ATOSA: variants seen among roughly 807,000 people sequenced by gnomAD.
ATOSA encodes the protein atos homolog A, also known as atos homolog protein A.
the ATOSA span, among the ~76,000 whole-genome samples, chr15:52,699,300 A>G: frequency 6.6e-6 from 1 of 152,110 alleles, no homozygotes; most frequent in Admixed American, 6.5e-5. Flanking sequence ...TGTTTCAGTC[A>G]GGCAGGAGAT....
At chr15:52,613,572 A>G in the ATOSA span, 1 of 1,287,656 alleles carries the variant, frequency 7.8e-7, no homozygotes, top group Non-Finnish European at 1.1e-6. Context: ...GATCAATTTT[A>G]CATTGAAATA....
chr15:52,605,487 C>G, the ATOSA span, among the ~76,000 whole-genome samples: 2 of 151,916 alleles, frequency 1.3e-5, no homozygotes, highest in African/African-American at 2.4e-5. Flanking sequence ...GTTAATCACC[C>G]CAAATGCAAA....
chr15:52,644,501 G>A, the ATOSA span, among the ~76,000 whole-genome samples: 1 of 152,062 alleles, frequency 6.6e-6, no homozygotes, highest in South Asian at 2.1e-4. Flanking sequence ...TGAGAATTAA[G>A]ACCAACTACT....
At chr15:52,587,812 C>T in the ATOSA span, among the ~76,000 whole-genome samples, 8 of 152,290 alleles carry the variant, frequency 5.3e-5, no homozygotes, top group African/African-American at 1.7e-4. Flanking sequence ...AACTTTAAGG[C>T]TGTGGAATGT....
At chr15:52,603,951 T>C in the ATOSA span, among the ~76,000 whole-genome samples, 2 of 152,134 alleles carry the variant, frequency 1.3e-5, no homozygotes, top group Non-Finnish European at 2.9e-5. Flanking sequence ...AACAATAATT[T>C]ATCGTATATT....
At chr15:52,709,420 C>T in the ATOSA span, among the ~76,000 whole-genome samples, 1 of 152,112 alleles carries the variant, frequency 6.6e-6, no homozygotes, top group African/African-American at 2.4e-5. Context: ...CTGAACTTTA[C>T]CCCAAAGCTC....
the ATOSA span, chr15:52,587,089 G>T: frequency 6.2e-7 from 1 of 1,602,666 alleles, no homozygotes; most frequent in Non-Finnish European, 8.5e-7. Flanking sequence ...CAGGAGAAAG[G>T]GCTAAGTTCT....
At chr15:52,687,353 C>G in the ATOSA span, among the ~76,000 whole-genome samples, 37 of 152,172 alleles carry the variant, frequency 2.4e-4, no homozygotes, top group Admixed American at 6.5e-4. Context: ...TGCAGCGAGC[C>G]GAGATCCAGC....
chr15:52,611,110 T>G, the ATOSA span: 3 of 1,591,590 alleles, frequency 1.9e-6, no homozygotes, highest in South Asian at 3.5e-5. Flanking sequence ...ACTGTCCTTT[T>G]TTTTTGGCCC....
chr15:52,665,395 T>C, the ATOSA span, among the ~76,000 whole-genome samples: 1 of 152,212 alleles, frequency 6.6e-6, no homozygotes, highest in Non-Finnish European at 1.5e-5. Flanking sequence ...CAGATAGTAA[T>C]TAGTCATTTT....
At chr15:52,609,966 A>G in the ATOSA span, 1 of 1,613,200 alleles carries the variant, frequency 6.2e-7, no homozygotes, top group Non-Finnish European at 8.5e-7. Flanking sequence ...AGCCTAGAAT[A>G]TTGGCTTGAG....
At chr15:52,613,321 G>A in the ATOSA span, among the ~76,000 whole-genome samples, 154 of 152,314 alleles carry the variant, frequency 1.0e-3, 1 homozygote, top group Middle Eastern at 6.8e-3. Context: ...AGCCAAGATC[G>A]CGCCACTGCA....
At chr15:52,582,049 G>GA in the ATOSA span, 1 of 913,036 alleles carries the variant, frequency 1.1e-6, no homozygotes, top group Non-Finnish European at 1.6e-6. Context: ...AGGATAACAG[G>GA]AGAGAATCCA....
chr15:52,599,635 T>C, the ATOSA span, among the ~76,000 whole-genome samples: 3 of 152,310 alleles, frequency 2.0e-5, no homozygotes, highest in Admixed American at 6.5e-5. Flanking sequence ...AGTAGAAATA[T>C]TGTGAGTAAA....
At chr15:52,610,454 T>C in the ATOSA span, 2 of 1,460,326 alleles carry the variant, frequency 1.4e-6, no homozygotes, top group East Asian at 2.3e-5. Flanking sequence ...TATATTATTT[T>C]AAATGTAAAG....
At chr15:52,637,930 T>C in the ATOSA span, among the ~76,000 whole-genome samples, 18 of 152,326 alleles carry the variant, frequency 1.2e-4, no homozygotes, top group Admixed American at 1.1e-3. Context: ...ATCACTGTAA[T>C]ATAATGTTAC....
At chr15:52,620,981 T>G in the ATOSA span, among the ~76,000 whole-genome samples, 1 of 152,292 alleles carries the variant, frequency 6.6e-6, no homozygotes, top group East Asian at 1.9e-4. Context: ...TACTTCATGA[T>G]GCGCAATCGA....
At chr15:52,647,635 C>T in the ATOSA span, among the ~76,000 whole-genome samples, 2 of 152,248 alleles carry the variant, frequency 1.3e-5, no homozygotes, top group East Asian at 3.9e-4. Context: ...AAGTTACTTC[C>T]CAGTAAATAA....
the ATOSA span, among the ~76,000 whole-genome samples, chr15:52,667,166 A>C: frequency 6.6e-6 from 1 of 152,224 alleles, no homozygotes; most frequent in Non-Finnish European, 1.5e-5. Context: ...AATGGAATAA[A>C]ATCTGGGATT....
Sources: gnomAD v4.1 joint callset for allele counts (sites outside exome capture counted in the v4.1 genomes callset) on GRCh38, gnomAD v4.1.1 for gene constraint, MANE v1.5 for transcripts, NCBI Gene and HGNC (gene_info 2026-07-23, HGNC 2026-07-21) for gene names.